AP4M1: variants seen among roughly 807,000 people sequenced by gnomAD.
AP4M1 encodes adaptor related protein complex 4 subunit mu 1.
A neutral mutation model predicts 62.4 loss-of-function variants in AP4M1; 58 were observed. That is an observed-to-expected ratio of 0.93 (90% CI 0.75 to 1.16). The LOEUF (loss-of-function observed/expected upper bound fraction) is 1.16, where lower values mean the gene tolerates loss of function less well. AP4M1 is among the 50% of genes most tolerant of loss of function. The pLI is 0.00. For synonymous variants in AP4M1, 290 were observed against 239.7 expected, an observed-to-expected ratio of 1.21 and a Z score of -1.94; for missense variants, 626 against 585.4, an observed-to-expected ratio of 1.07 and a Z score of -0.72.
rs769557221 is a variant in AP4M1 at position 100,107,473 on chromosome 7, C to T, written c.*591C>T. On this transcript the variant is annotated 3_prime_UTR_variant, in exon 15 of 15. Coordinates refer to ENST00000359593, the MANE Select transcript of AP4M1 (RefSeq NM_004722.4). ...AGTGAGACCACGATGTACTTCTGGA[C>T]ACTCCCAGGACCAGAGGGAGCAGTG... is the stretch of plus-strand genomic sequence containing the variant. The T allele has an allele frequency of 6.2e-7, 1 of 1,613,854 alleles. No homozygotes were observed. Among genetic ancestry groups the T allele is most frequent in the Non-Finnish European group, 8.5e-7 (1 of 1,179,822 alleles).
chr7:100,102,255 G>C, intron 2 of AP4M1: 1 of 577,900 alleles, frequency 1.7e-6, no homozygotes. Context: ...GCTGGGCGTG[G>C]TGGCGGGCGC....
rs1187692704 is a variant in AP4M1, at chr7:100,105,058, C to T, written c.687C>T (p.Gly229=). Reference sequence around the variant, plus strand: ...CTCCTCCGACAGAGATGCGCATTGGCTTGACGGAAGAGTTTTGTGTGGGGA... The same window carrying T: ...CTCCTCCGACAGAGATGCGCATTGGTTTGACGGAAGAGTTTTGTGTGGGGA... ...FLPSGSEMRI[G]LTEEFCVGKS... Residue 229 remains glycine, a synonymous_variant, in exon 9 of 15, where the codon GGC becomes GGT. Coordinates refer to ENST00000359593, the MANE Select transcript of AP4M1 (RefSeq NM_004722.4). 1.9e-6 allele frequency: 3 copies of T among 1,614,030 alleles called. No individual in the cohort carries two copies. Among genetic ancestry groups the T allele is most frequent in the East Asian group, 2.2e-5 (1 of 44,886 alleles).
Position 100,103,642 on chromosome 7 carries a change from GC to G in AP4M1, c.498del (p.Ser167AlafsTer32), listed in dbSNP as rs766513025. On this transcript the variant is annotated frameshift_variant, in exon 6 of 15. Transcript: ENST00000359593. LOFTEE classifies it high-confidence loss of function. ...FGAETQQSKV[A>X]PSSAASRPVL... ...GGCTGAGACACAACAGAGCAAAGTG[GC>G]CCCCAGCAGTGCAGCCAGCCGCCCC... is the stretch of plus-strand genomic sequence containing the variant. 1.9e-6 allele frequency: 3 copies of G among 1,613,740 alleles called. No individual in the cohort carries two copies. The highest frequency in any genetic ancestry group is 2.2e-5 in the East Asian group (1 of 44,874).
Position 100,101,788 on chromosome 7 carries a change from G to A in AP4M1, c.58+16G>A. ...TACAAAGACTGTATCCTAGACCCTT[G>A]GGGCTGGGAAGGGGCGGAGGGGCCG... On this transcript the variant is annotated intron_variant, in intron 1 of 14. Coordinates refer to ENST00000359593, the MANE Select transcript of AP4M1 (RefSeq NM_004722.4). 6.2e-7 allele frequency: 1 copy of A among 1,612,892 alleles called. No individual in the cohort carries two copies. The highest frequency in any genetic ancestry group is 8.5e-7 in the Non-Finnish European group (1 of 1,179,294).
Position 100,106,747 on chromosome 7 carries a change from C to A in AP4M1, c.1227C>A (p.Phe409Leu). ...GGCTGGGCCCTGCCAGTCTCTCCTT[C>A]GAGCTTCCCCGGCACACGTGCTCTG... The part of the protein sequence containing the change: ...PLGLGPASLS[F>L]ELPRHTCSGL... Residue 409 changes from phenylalanine to leucine, a missense_variant, in exon 15 of 15, where the codon TTC (phenylalanine) becomes TTA (leucine). By Grantham distance (22) the Phe-to-Leu change is conservative (BLOSUM62 0). Transcript: ENST00000359593. The A allele has an allele frequency of 1.2e-6, 2 of 1,614,062 alleles. No homozygotes were observed. Among genetic ancestry groups the A allele is most frequent in the Non-Finnish European group, 1.7e-6 (2 of 1,180,044 alleles).
chr7:100,105,841 T>C, intron 11 of AP4M1, 118 bp from the exon 12 acceptor site: 1 of 1,282,806 alleles, frequency 7.8e-7, no homozygotes, highest in Non-Finnish European at 1.1e-6. Context: ...CTTCAGCCCT[T>C]TTCCCTCTTG....
At chr7:100,105,671 G>T (rs535979518) in intron 11 of AP4M1, 132 bp downstream of exon 11, 25 of 979,672 alleles carry the variant, frequency 2.6e-5, no homozygotes, top group Non-Finnish European at 3.8e-5. Flanking sequence ...CTTGGGTTGC[G>T]GCCGGTGGCT....
In AP4M1 at chr7:100,108,581, GA is replaced by G. The variant is rs1480811559; in HGVS notation, c.*1705del. The G allele has an allele frequency of 6.4e-7, 1 of 1,558,794 alleles. No individual in the cohort carries two copies. The highest frequency in any genetic ancestry group is 8.7e-7 in the Non-Finnish European group (1 of 1,149,938). Reference sequence around the variant, plus strand: ...AAAGCCAGGTAGAGGGAGGGCTGGGGAAAAAAGCCAGGTAGAGGGAGGGCTG... The same window carrying G: ...AAAGCCAGGTAGAGGGAGGGCTGGGGAAAAAGCCAGGTAGAGGGAGGGCTG... On this transcript the variant is annotated 3_prime_UTR_variant, in exon 15 of 15. Transcript: ENST00000359593.
Position 100,106,753 on chromosome 7 carries a change from TC to T in AP4M1, c.1237del (p.Arg413GlyfsTer31). 1 of 1,614,010 alleles carries T rather than the reference TC, an allele frequency of 6.2e-7. No individual in the cohort carries two copies. The highest frequency in any genetic ancestry group is 1.1e-5 in the South Asian group (1 of 91,090). On this transcript the variant is annotated frameshift_variant, in exon 15 of 15. Transcript: ENST00000359593. LOFTEE classifies it high-confidence loss of function. ...GCCCTGCCAGTCTCTCCTTCGAGCTTCCCCGGCACACGTGCTCTGGCCTCCA... is the reference window on the plus strand; with the variant it reads ...GCCCTGCCAGTCTCTCCTTCGAGCTTCCCGGCACACGTGCTCTGGCCTCCA... Reference protein sequence around the residue: ...LGPASLSFELPRHTCSGLQVR... With the variant: ...LGPASLSFELXRHTCSGLQVR...
At chr7:100,103,758 T>A in intron 6 of AP4M1, 66 bp downstream of exon 6, 1 of 1,557,570 alleles carries the variant, frequency 6.4e-7, no homozygotes, top group Non-Finnish European at 8.8e-7. Flanking sequence ...TCCAAGATCT[T>A]AGGTCGGGCA....
chr7:100,107,696 C>T lies in AP4M1; in HGVS notation c.*814C>T, dbSNP rs1796685065. 2 of 1,563,614 alleles carry T rather than the reference C, an allele frequency of 1.3e-6. No individual in the cohort carries two copies. Among genetic ancestry groups the T allele is most frequent in the East Asian group, 2.3e-5 (1 of 44,162 alleles). On this transcript the variant is annotated 3_prime_UTR_variant, in exon 15 of 15. Coordinates refer to ENST00000359593, the MANE Select transcript of AP4M1 (RefSeq NM_004722.4). ...CCCCAGAGGCCTGGCGAGGACGCTT[C>T]ACTCGCTCCCTGCCTGAACAAGTTG... is the stretch of plus-strand genomic sequence containing the variant.
At chr7:100,100,951 G>C, upstream of AP4M1, 1 of 1,051,042 alleles carries the variant, frequency 9.5e-7, no homozygotes, top group Non-Finnish European at 1.3e-6. Flanking sequence ...GAGCCCTTAA[G>C]ACTCTCCTGA....
chr7:100,106,574 C>A, intron 14 of AP4M1, 60 bp downstream of exon 14: 1 of 1,543,526 alleles, frequency 6.5e-7, no homozygotes, highest in Non-Finnish European at 8.9e-7. Flanking sequence ...CCCCACCCCA[C>A]CCTCCCGAAG....
chr7:100,107,249 C>G lies in AP4M1; in HGVS notation c.*367C>G, dbSNP rs771230753. 1 of 1,522,734 alleles carries G rather than the reference C, an allele frequency of 6.6e-7. No homozygotes were observed. Among genetic ancestry groups the G allele is most frequent in the Non-Finnish European group, 8.8e-7 (1 of 1,138,660 alleles). The allele number at this position is 1,522,734 out of a possible 1,614,324, so 94.3% of individuals were successfully genotyped here. A position where few individuals can be genotyped will look rare whatever the true frequency, so the allele number is the denominator to read the frequency against. On this transcript the variant is annotated 3_prime_UTR_variant, in exon 15 of 15. Transcript: ENST00000359593. ...CCGGGGGCTGGCAGGTGGAGCATCA[C>G]GGAGCAGGCTGAGGGGAGCCGGAGT...
Position 100,104,138 on chromosome 7 carries a change from T to C in AP4M1, c.590T>C (p.Val197Ala). The change falls in exon 7 of 15, where the codon GTA (valine) becomes GCA (alanine). Residue 197 changes from valine to alanine, a missense_variant. Transcript: ENST00000359593. ...TTGGATGTGGTCGAGAGATTGTCTG[T>C]ACTGATAGCATCTAATGTAAGTTTG... ...VFLDVVERLS[V>A]LIASNGSLLK... 1 of 1,614,060 alleles carries C rather than the reference T, an allele frequency of 6.2e-7. No individual in the cohort carries two copies. Among genetic ancestry groups the C allele is most frequent in the Non-Finnish European group, 8.5e-7 (1 of 1,179,970 alleles).
In AP4M1 at chr7:100,108,726, G is replaced by C; in HGVS notation, c.*1844G>C. On this transcript the variant is annotated 3_prime_UTR_variant, in exon 15 of 15. Transcript: ENST00000359593. ...ATTAGTGTGTGTACAGAACACTGTG[G>C]GCTTTCTCATAAGAAAAGATGGGCA... 3.6e-6 allele frequency: 2 copies of C among 559,032 alleles called. No individual in the cohort carries two copies. The highest frequency in any genetic ancestry group is 2.9e-5 in the South Asian group (1 of 33,910). The allele number at this position is 559,032 out of a possible 1,614,324, so 34.6% of individuals were successfully genotyped here. A position where few individuals can be genotyped will look rare whatever the true frequency, so the allele number is the denominator to read the frequency against.
At chr7:100,101,083 G>A (rs1795994639), upstream of AP4M1, 1 of 755,318 alleles carries the variant, frequency 1.3e-6, no homozygotes, top group African/African-American at 1.8e-5. Flanking sequence ...CAACATCGAT[G>A]GCCCCCCGCA....
rs1285367827 is a variant in AP4M1, at chr7:100,107,539, T to C, written c.*657T>C. ...GTGGCGGTGGAGACCAACTTGACGA[T>C]GGGCTGCACGCTGGGGACGGTGGTG... On this transcript the variant is annotated 3_prime_UTR_variant, in exon 15 of 15. Transcript: ENST00000359593. 14 of 1,613,756 alleles carry C rather than the reference T, an allele frequency of 8.7e-6. No individual in the cohort carries two copies. In the East Asian group the frequency reaches 1.3e-4, roughly 15 times the overall value.
At chr7:100,101,411 G>GC (rs964635644), upstream of AP4M1, 67 of 1,415,024 alleles carry the variant, frequency 4.7e-5, no homozygotes, top group African/African-American at 5.6e-5. Flanking sequence ...GCGAAACGTC[G>GC]CCCCCCACGT....
Sources: allele counts gnomAD v4.1 joint callset, GRCh38; gene constraint gnomAD v4.1.1; transcripts MANE v1.5; gene names NCBI Gene and HGNC (gene_info 2026-07-23, HGNC 2026-07-21).